Variants in UGT1A10 observed in about 807,000 individuals in gnomAD.
The protein encoded by UGT1A10 is UDP glucuronosyltransferase family 1 member A10, also known as UDP-glucuronosyltransferase 1A10.
In UGT1A10, 49 loss-of-function variants were observed where a neutral mutation model predicts 45.8. The ratio of observed to expected loss-of-function variants is 1.07; its 90% CI spans 0.85 to 1.36. The LOEUF (loss-of-function observed/expected upper bound fraction) is 1.36, where lower values mean the gene tolerates loss of function less well. Ranked by LOEUF, UGT1A10 falls within the 40% of genes most tolerant of loss-of-function variation. The pLI is 0.00. For synonymous variants in UGT1A10, 284 were observed against 249.7 expected (o/e 1.14, Z -1.29); for missense variants, 745 against 668.6 (o/e 1.11, Z -1.26).
intron 1 of UGT1A10, among the ~76,000 whole-genome samples, chr2:233,658,560 A>C (rs1219519443): frequency 6.6e-6 from 1 of 152,074 alleles, no homozygotes; most frequent in Non-Finnish European, 1.5e-5. Context: ...GATGACTTTG[A>C]CAGTTTTGAG....
chr2:233,673,111 G>A (rs748488446), intron 1 of UGT1A10, among the ~76,000 whole-genome samples: 1 of 152,110 alleles, frequency 6.6e-6, no homozygotes, highest in Non-Finnish European at 1.5e-5. Flanking sequence ...GCCCGCCCCA[G>A]AGGAAATGGT....
At chr2:233,724,287 G>A (rs1285366990) in intron 1 of UGT1A10, among the ~76,000 whole-genome samples, 2 of 143,496 alleles carry the variant, frequency 1.4e-5, no homozygotes, top group Admixed American at 1.4e-4. Flanking sequence ...CGGGCGGGGG[G>A]CTGACCCCCC....
At position 233,767,889 on chromosome 2, in the gene UGT1A10, C is replaced by A; in HGVS notation, c.1028C>A (p.Ala343Glu). The A allele has an allele frequency of 2.5e-6, 4 of 1,614,136 alleles. No individual in the cohort carries two copies. Among genetic ancestry groups the A allele is most frequent in the Non-Finnish European group, 3.4e-6 (4 of 1,180,034 alleles). ...ACTGGAACCCGACCATCGAATCTTG[C>A]GAACAACACGATACTTGTTAAGTGG... ...RYTGTRPSNLANNTILVKWLP... is the reference protein window; with the variant it reads ...RYTGTRPSNLENNTILVKWLP... Residue 343 changes from alanine (A) to glutamate (E), a missense_variant, in exon 3 of 5, where the codon GCG becomes GAG. Physicochemically the swap from Ala to Glu is moderately radical, Grantham distance 107. Transcript: ENST00000344644.
chr2:233,735,194 G>A (rs1453877809), intron 1 of UGT1A10, among the ~76,000 whole-genome samples: 1 of 152,090 alleles, frequency 6.6e-6, no homozygotes, highest in Admixed American at 6.5e-5. Flanking sequence ...GAATCTAGGT[G>A]CTCCTGTATT....
chr2:233,757,535 A>AATATATATACATATACATATATAT lies in UGT1A10; in HGVS notation c.856-9490_856-9489insCATATACATATATATATATATATA, dbSNP rs376887521. Among the ~76,000 whole-genome samples, 332 of 87,516 alleles carry AATATATATACATATACATATATAT rather than the reference A, an allele frequency of 3.8e-3. 5 individuals are homozygous for AATATATATACATATACATATATAT. Among genetic ancestry groups the AATATATATACATATACATATATAT allele is most frequent in the Middle Eastern group, 0.012 (2 of 168 alleles). The allele number at this position is 87,516 out of a possible 152,430, so 57.4% of individuals were successfully genotyped here. A position where few individuals can be genotyped will look rare whatever the true frequency, so the allele number is the denominator to read the frequency against. Reference sequence around the variant, plus strand: ...CAAAGCCAAAATCTTGCCTGTAAGGAATATATATATATATATATATATATA... The same window carrying AATATATATACATATACATATATAT: ...CAAAGCCAAAATCTTGCCTGTAAGGAATATATATACATATACATATATATATATATATATATATATATATATATA... On this transcript the variant is annotated intron_variant, in intron 1 of 4. Transcript: ENST00000344644.
At chr2:233,681,934 T>A in intron 1 of UGT1A10, 1 of 1,611,342 alleles carries the variant, frequency 6.2e-7, no homozygotes. Flanking sequence ...GCTGAAGTTC[T>A]CTGATGGCTC....
chr2:233,720,427 G>C (rs2076857980), intron 1 of UGT1A10, among the ~76,000 whole-genome samples: 1 of 152,044 alleles, frequency 6.6e-6, no homozygotes, highest in Non-Finnish European at 1.5e-5. Context: ...GAGGAGATAA[G>C]ACCGTGAATC....
chr2:233,645,045 T>A (rs2073563162), intron 1 of UGT1A10, among the ~76,000 whole-genome samples: 1 of 152,168 alleles, frequency 6.6e-6, no homozygotes. Context: ...CTTTGACACC[T>A]TTAGGGTTCT....
chr2:233,712,902 G>C (rs1351189678), intron 1 of UGT1A10: 2 of 1,609,384 alleles, frequency 1.2e-6, no homozygotes, highest in East Asian at 2.2e-5. Context: ...TTTGCTAGGT[G>C]TCTCAGTGAC....
chr2:233,711,755 CA>C (rs1023475863), intron 1 of UGT1A10, among the ~76,000 whole-genome samples: 2 of 152,204 alleles, frequency 1.3e-5, no homozygotes, highest in Non-Finnish European at 2.9e-5. Context: ...GGCATGTAGA[CA>C]CAGAGGAAGT....
At chr2:233,672,375 C>G (rs200266032) in intron 1 of UGT1A10, 4 of 1,613,944 alleles carry the variant, frequency 2.5e-6, no homozygotes, top group South Asian at 2.2e-5. Context: ...CAGTGTTTCT[C>G]GATCCTTTTG....
intron 1 of UGT1A10, among the ~76,000 whole-genome samples, chr2:233,695,395 A>G (rs1203917830): frequency 6.6e-6 from 1 of 150,614 alleles, no homozygotes; most frequent in Non-Finnish European, 1.5e-5. Flanking sequence ...AAGTGCTGGG[A>G]TTACAGGCGT....
chr2:233,692,797 C>T (rs925616937), intron 1 of UGT1A10: 53 of 1,378,306 alleles, frequency 3.8e-5, no homozygotes, highest in Middle Eastern at 2.7e-4. Flanking sequence ...AAAGCTGACA[C>T]GGCCATAGTT....
In UGT1A10 at chr2:233,772,200, TAAAG is replaced by T. The variant is rs1700482093; in HGVS notation, c.1296-60_1296-57del. On this transcript the variant is annotated intron_variant, in intron 4 of 4. Coordinates refer to ENST00000344644, the MANE Select transcript of UGT1A10 (RefSeq NM_019075.4). ...TAGTCTTCTTAAGCAGCCATGAGCATAAAGAGAGGATTGTTCATACCACAGGTGT... is the reference window on the plus strand; with the variant it reads ...TAGTCTTCTTAAGCAGCCATGAGCATAGAGGATTGTTCATACCACAGGTGT... The T allele has an allele frequency of 6.8e-6, 11 of 1,606,074 alleles. No individual in the cohort carries two copies. In the South Asian group the frequency reaches 1.0e-4, roughly 15 times the overall value.
intron 1 of UGT1A10, chr2:233,717,679 T>C (rs1575517929): frequency 6.9e-6 from 3 of 437,064 alleles, no homozygotes; most frequent in Admixed American, 4.8e-5. Flanking sequence ...TGCGAGCACA[T>C]GTAGGAGTGA....
chr2:233,766,710 C>T (rs1053778775), intron 1 of UGT1A10, among the ~76,000 whole-genome samples: 3 of 152,122 alleles, frequency 2.0e-5, no homozygotes, highest in Non-Finnish European at 1.5e-5. Context: ...TCTGTGTTCT[C>T]TAAGTGGAAT....
intron 1 of UGT1A10, chr2:233,719,435 G>A (rs2076765581): frequency 6.2e-7 from 1 of 1,613,916 alleles, no homozygotes; most frequent in East Asian, 2.2e-5. Flanking sequence ...CAGACCACAT[G>A]ACATTCCTGC....
At chr2:233,709,841 C>T (rs1020241800) in intron 1 of UGT1A10, among the ~76,000 whole-genome samples, 4 of 152,190 alleles carry the variant, frequency 2.6e-5, no homozygotes, top group Admixed American at 2.6e-4. Flanking sequence ...GCAGCCATCA[C>T]CACATTCAAG....
At chr2:233,750,935 G>GCC (rs1240414460) in intron 1 of UGT1A10, among the ~76,000 whole-genome samples, 5 of 151,828 alleles carry the variant, frequency 3.3e-5, no homozygotes, top group Non-Finnish European at 7.3e-5. Flanking sequence ...TGAGGTTGGA[G>GCC]CCCCCACACA....
Sources: allele counts gnomAD v4.1 joint callset (sites outside exome capture counted in the v4.1 genomes callset), GRCh38; gene constraint gnomAD v4.1.1; transcripts MANE v1.5; gene names NCBI Gene and HGNC (gene_info 2026-07-23, HGNC 2026-07-21).